Variants in CYP7B1 observed in about 807,000 individuals in gnomAD.
The protein encoded by CYP7B1 is cytochrome P450 7B1.
A neutral mutation model predicts 42.7 loss-of-function variants in CYP7B1; 29 were observed. That is an observed-to-expected ratio of 0.68 (90% CI 0.51 to 0.93). The LOEUF (loss-of-function observed/expected upper bound fraction) is 0.93. Ranked by LOEUF, CYP7B1 falls within the 40% of genes least tolerant of loss-of-function variation. The pLI, the probability that CYP7B1 is intolerant of heterozygous loss-of-function variation, is 0.00. For missense variants in CYP7B1, 655 were observed against 600.5 expected, an observed-to-expected ratio of 1.09 and a Z score of -0.95; for synonymous variants, 235 against 218.2, an observed-to-expected ratio of 1.08 and a Z score of -0.68.
intron 1 of CYP7B1, among the ~76,000 whole-genome samples, chr8:64,726,956 T>C (rs1423804933): frequency 6.6e-6 from 1 of 152,162 alleles, no homozygotes; most frequent in African/African-American, 2.4e-5. Flanking sequence ...TGAGGGCCTA[T>C]GATCCTTTGC....
At position 64,604,703 on chromosome 8, in the gene CYP7B1, AG is replaced by A. The variant is rs1354321196; in HGVS notation, c.1211del (p.Pro404LeufsTer16). ...AIFPPVLHGDPEIFEAPEEFR... is the reference protein window; with the variant it reads ...AIFPPVLHGDXEIFEAPEEFR... ...TTACCTCTGGAGCTTCAAAGATTTC[AG>A]GGTCACCATGTAGGACTGGAGGAAA... On this transcript the variant is annotated frameshift_variant, in exon 5 of 6. Transcript: ENST00000310193. LOFTEE classifies it low-confidence loss of function (END_TRUNC). 1 of 1,614,062 alleles carries A rather than the reference AG, an allele frequency of 6.2e-7. No individual in the cohort carries two copies. The highest frequency in any genetic ancestry group is 8.5e-7 in the Non-Finnish European group (1 of 1,180,040).
At chr8:64,718,326 A>T (rs551766862) in intron 1 of CYP7B1, among the ~76,000 whole-genome samples, 57 of 152,248 alleles carry the variant, frequency 3.7e-4, no homozygotes, top group Middle Eastern at 3.4e-3. Flanking sequence ...GTCCATTCTG[A>T]TGCACATCTG....
chr8:64,719,671 T>A (rs1039189134), intron 1 of CYP7B1, among the ~76,000 whole-genome samples: 1 of 152,198 alleles, frequency 6.6e-6, no homozygotes, highest in Non-Finnish European at 1.5e-5. Flanking sequence ...TTCATCAACC[T>A]CTAACAATAG....
intron 1 of CYP7B1, among the ~76,000 whole-genome samples, chr8:64,755,708 A>G (rs1175719939): frequency 2.6e-5 from 4 of 152,334 alleles, no homozygotes; most frequent in South Asian, 2.1e-4. Flanking sequence ...GGCAAAATCA[A>G]TCATATTATG....
intron 1 of CYP7B1, among the ~76,000 whole-genome samples, chr8:64,716,616 A>C (rs1026857062): frequency 1.3e-5 from 2 of 152,140 alleles, no homozygotes; most frequent in African/African-American, 4.8e-5. Flanking sequence ...CTGGGGCCTG[A>C]GACTCGCTTG....
At chr8:64,654,822 G>C (rs1806097263) in intron 1 of CYP7B1, among the ~76,000 whole-genome samples, 1 of 152,018 alleles carries the variant, frequency 6.6e-6, no homozygotes, top group Non-Finnish European at 1.5e-5. Flanking sequence ...ACAAAAAGAG[G>C]CACATAGACC....
At chr8:64,651,024 GTGTT>G (rs1462265236) in intron 1 of CYP7B1, among the ~76,000 whole-genome samples, 2 of 152,240 alleles carry the variant, frequency 1.3e-5, no homozygotes, top group African/African-American at 4.8e-5. Context: ...CTATAAAAGT[GTGTT>G]TGAGGTGGGG....
rs549951054 is a variant in CYP7B1, at chr8:64,790,747, T to C, written c.122+7719A>G. On this transcript the variant is annotated intron_variant, in intron 1 of 5. Coordinates refer to ENST00000310193, the MANE Select transcript of CYP7B1 (RefSeq NM_004820.5). ...AAATCTTAGACTCACATAAGAAGAA[T>C]CTATTTTTTCAAATGATGCTGTTAT... 7.2e-5 allele frequency among the ~76,000 whole-genome samples: 11 copies of C among 152,294 alleles called. No individual in the cohort carries two copies. The East Asian group carries it at 1.7e-3, about 24-fold the overall frequency.
intron 1 of CYP7B1, among the ~76,000 whole-genome samples, chr8:64,743,052 C>T (rs1403095535): frequency 6.6e-6 from 1 of 152,038 alleles, no homozygotes; most frequent in East Asian, 1.9e-4. Flanking sequence ...CCTATGATAC[C>T]CTCTTAATGA....
At chr8:64,675,386 T>C in intron 1 of CYP7B1, among the ~76,000 whole-genome samples, 1 of 151,442 alleles carries the variant, frequency 6.6e-6, no homozygotes, top group Non-Finnish European at 1.5e-5. Context: ...AATAAAACAA[T>C]GAAAACTGCA....
At chr8:64,781,963 T>C (rs1047386749) in intron 1 of CYP7B1, among the ~76,000 whole-genome samples, 17 of 152,186 alleles carry the variant, frequency 1.1e-4, no homozygotes, top group African/African-American at 3.6e-4. Context: ...TGAGTGAGGA[T>C]AAAATGAGAC....
chr8:64,757,803 G>A (rs1312180306), intron 1 of CYP7B1, among the ~76,000 whole-genome samples: 2 of 152,198 alleles, frequency 1.3e-5, no homozygotes, highest in Non-Finnish European at 2.9e-5. Flanking sequence ...TGACTCTGGA[G>A]AGCGTGGAGG....
In CYP7B1 at chr8:64,599,176, T is replaced by G. The variant is rs545239887; in HGVS notation, c.1234-2247A>C. Reference sequence around the variant, plus strand: ...TTAAACTTGGAATTCATCAAACTGGTTGAAATTCTTTTTCTTTTCTTTTTT... The same window carrying G: ...TTAAACTTGGAATTCATCAAACTGGGTGAAATTCTTTTTCTTTTCTTTTTT... On this transcript the variant is annotated intron_variant, in intron 5 of 5. Coordinates refer to ENST00000310193, the MANE Select transcript of CYP7B1 (RefSeq NM_004820.5). 3.3e-5 allele frequency among the ~76,000 whole-genome samples: 5 copies of G among 152,278 alleles called. No homozygotes were observed. In the South Asian group the frequency reaches 1.0e-3, roughly 32 times the overall value.
At chr8:64,621,030 T>C (rs1805522535) in intron 2 of CYP7B1, among the ~76,000 whole-genome samples, 1 of 152,242 alleles carries the variant, frequency 6.6e-6, no homozygotes, top group South Asian at 2.1e-4. Flanking sequence ...TCACTTGTTC[T>C]ATCTATTCAT....
rs541984404 is a variant in CYP7B1, at chr8:64,744,351, C to CT, written c.122+54114dup. ...CAAGAGATTTAATGAAAAAGAATCT[C>CT]TTTTTTTTTTCCTTTTCTCATTACA... On this transcript the variant is annotated intron_variant, in intron 1 of 5. Transcript: ENST00000310193. Among the ~76,000 whole-genome samples the CT allele has an allele frequency of 1.2e-3, 172 of 149,184 alleles. 1 individual carries two copies. In the East Asian group the frequency reaches 0.021, roughly 18 times the overall value.
intron 1 of CYP7B1, among the ~76,000 whole-genome samples, chr8:64,768,351 G>A (rs1804146495): frequency 2.7e-5 from 4 of 149,434 alleles, no homozygotes; most frequent in Middle Eastern, 3.4e-3. Flanking sequence ...CTATTAAATC[G>A]TGCAACTCCA....
intron 5 of CYP7B1, among the ~76,000 whole-genome samples, chr8:64,603,719 T>TC (rs1805234858): frequency 6.6e-6 from 1 of 152,120 alleles, no homozygotes; most frequent in South Asian, 2.1e-4. Context: ...ATATGTACAC[T>TC]CCCCCCACAC....
intron 1 of CYP7B1, among the ~76,000 whole-genome samples, chr8:64,711,173 G>A (rs1426511025): frequency 1.3e-5 from 2 of 152,204 alleles, no homozygotes; most frequent in African/African-American, 4.8e-5. Context: ...AAGAGTAGAG[G>A]CACTAGGAGC....
intron 1 of CYP7B1, among the ~76,000 whole-genome samples, chr8:64,650,236 A>G (rs1585832069): frequency 2.6e-5 from 4 of 152,362 alleles, no homozygotes; most frequent in Admixed American, 2.6e-4. Context: ...AAGTTTATTT[A>G]GACTGTGTAT....
Sources: gnomAD v4.1 joint callset for allele counts (sites outside exome capture counted in the v4.1 genomes callset) on GRCh38, gnomAD v4.1.1 for gene constraint, MANE v1.5 for transcripts, NCBI Gene and HGNC (gene_info 2026-07-23, HGNC 2026-07-21) for gene names.